Variants in ASRGL1 observed in about 807,000 individuals in gnomAD.
The protein encoded by ASRGL1 is asparaginase and isoaspartyl peptidase 1, also known as isoaspartyl peptidase/L-asparaginase.
Under a neutral mutation model 22.4 loss-of-function variants are expected in ASRGL1, and 16 were observed. The ratio of observed to expected loss-of-function variants is 0.71; its 90% CI spans 0.48 to 1.08. ASRGL1 has a LOEUF of 1.08. Ranked by LOEUF, ASRGL1 falls within the 50% of genes least tolerant of loss-of-function variation. The pLI, the probability that ASRGL1 is intolerant of heterozygous loss-of-function variation, is 0.00. For synonymous variants in ASRGL1, 165 were observed against 159.3 expected, an observed-to-expected ratio of 1.04 and a Z score of -0.27; for missense variants, 412 against 410.1, an observed-to-expected ratio of 1.00 and a Z score of -0.04.
intron 2 of ASRGL1, among the ~76,000 whole-genome samples, chr11:62,339,395 T>TC: frequency 6.6e-6 from 1 of 152,256 alleles, no homozygotes; most frequent in Admixed American, 6.5e-5. Context: ...ATGTCCTACC[T>TC]CCCCCGACAA....
At chr11:62,390,340 C>T (rs563159400) in intron 5 of ASRGL1, among the ~76,000 whole-genome samples, 2 of 152,228 alleles carry the variant, frequency 1.3e-5, no homozygotes, top group Non-Finnish European at 2.9e-5. Context: ...TGAGGAGCCT[C>T]CCCAAGGAGC....
intron 2 of ASRGL1, among the ~76,000 whole-genome samples, chr11:62,349,784 C>T (rs977507213): frequency 3.3e-5 from 5 of 152,148 alleles, no homozygotes; most frequent in South Asian, 4.1e-4. Flanking sequence ...AGAGCAGCCC[C>T]GAGGGCTACT....
At chr11:62,399,077 G>A in the ASRGL1 span, among the ~76,000 whole-genome samples, 1 of 152,116 alleles carries the variant, frequency 6.6e-6, no homozygotes, top group Non-Finnish European at 1.5e-5. Flanking sequence ...TTAACTGGGC[G>A]TGGTGGCACA....
chr11:62,376,975 GTGACATCCATT>G (rs1168374882), intron 4 of ASRGL1, among the ~76,000 whole-genome samples: 3 of 152,306 alleles, frequency 2.0e-5, no homozygotes, highest in African/African-American at 7.2e-5. Flanking sequence ...AGGTACATGC[GTGACATCCATT>G]TGCCATAACA....
chr11:62,371,245 C>A, intron 4 of ASRGL1: 1 of 1,290,326 alleles, frequency 7.7e-7, no homozygotes, highest in Non-Finnish European at 1.0e-6. Context: ...GAAGCGCGAG[C>A]CTCCCGAGCG....
At chr11:62,373,353 C>A (rs573200610) in intron 4 of ASRGL1, among the ~76,000 whole-genome samples, 1 of 152,212 alleles carries the variant, frequency 6.6e-6, no homozygotes, top group African/African-American at 2.4e-5. Flanking sequence ...ACCTTTTTTT[C>A]TGTTTGCTTT....
chr11:62,371,298 G>A, intron 4 of ASRGL1: 1 of 1,382,032 alleles, frequency 7.2e-7, no homozygotes, highest in Non-Finnish European at 9.5e-7. Context: ...GCGGCGACGA[G>A]GACGGCCTGG....
chr11:62,395,457 A>G (rs961277078), downstream of ASRGL1, among the ~76,000 whole-genome samples: 1 of 152,166 alleles, frequency 6.6e-6, no homozygotes, highest in South Asian at 2.1e-4. Context: ...TGGGCTGCAG[A>G]GAAGAGTCCT....
chr11:62,369,417 G>A (rs1463091507), intron 4 of ASRGL1, among the ~76,000 whole-genome samples: 2 of 152,024 alleles, frequency 1.3e-5, no homozygotes, highest in Non-Finnish European at 2.9e-5. Flanking sequence ...TTTCTACATA[G>A]ACACAGTAAC....
chr11:62,381,938 T>A lies in ASRGL1; in HGVS notation c.492-7195T>A, dbSNP rs1947078507. On this transcript the variant is annotated intron_variant, in intron 4 of 6. Coordinates refer to ENST00000415229, the MANE Select transcript of ASRGL1 (RefSeq NM_001083926.2). Reference sequence around the variant, plus strand: ...CCACGTTGGGCACCAGATGAAGGGGTGGCCAGCCCCTCTACACCTGTGGGC... The same window carrying A: ...CCACGTTGGGCACCAGATGAAGGGGAGGCCAGCCCCTCTACACCTGTGGGC... 2.0e-5 allele frequency: 3 copies of A among 152,452 alleles called. No homozygotes were observed. In the South Asian group the frequency reaches 5.7e-4, roughly 29 times the overall value. 9.4% of individuals were successfully genotyped at this position (152,452 alleles called of 1,614,324 possible).
At chr11:62,391,671 A>T (rs1193716632) in intron 6 of ASRGL1, 39 bp downstream of exon 6, 1 of 1,561,010 alleles carries the variant, frequency 6.4e-7, no homozygotes, top group African/African-American at 1.4e-5. Flanking sequence ...ATTTGTGAAG[A>T]TAAGTGCATA....
chr11:62,361,194 GT>G (rs1392815543), intron 4 of ASRGL1, among the ~76,000 whole-genome samples: 1 of 139,184 alleles, frequency 7.2e-6, no homozygotes, highest in Non-Finnish European at 1.5e-5. Flanking sequence ...GTGGGGTTTT[GT>G]TTTTTTGTTT....
the ASRGL1 span, among the ~76,000 whole-genome samples, chr11:62,400,534 G>C: frequency 1.3e-5 from 2 of 152,156 alleles, no homozygotes; most frequent in Non-Finnish European, 2.9e-5. Flanking sequence ...TCTGTGCAAG[G>C]CTTGGGCACT....
chr11:62,394,957 GA>G (rs1437250170), downstream of ASRGL1, among the ~76,000 whole-genome samples: 3 of 152,112 alleles, frequency 2.0e-5, no homozygotes, highest in African/African-American at 7.2e-5. Flanking sequence ...GACAGCATCT[GA>G]AAGGGGAAGA....
chr11:62,381,861 A>G (rs1186486449), intron 4 of ASRGL1: 1 of 152,874 alleles, frequency 6.5e-6, no homozygotes, highest in Non-Finnish European at 1.5e-5. Context: ...TCTCTCATCA[A>G]CTTGTTCTCA....
At chr11:62,380,445 AGCTCTAACTT>A (rs1267820113) in intron 4 of ASRGL1, among the ~76,000 whole-genome samples, 6 of 152,150 alleles carry the variant, frequency 3.9e-5, no homozygotes, top group African/African-American at 1.4e-4. Flanking sequence ...TAAGGCAGAT[AGCTCTAACTT>A]GCTCAATGGC....
At chr11:62,372,535 C>G (rs1039047412) in intron 4 of ASRGL1, 24 of 967,528 alleles carry the variant, frequency 2.5e-5, no homozygotes, top group Non-Finnish European at 4.1e-5. Flanking sequence ...CAAACTAGTT[C>G]CCCAGCGAGT....
chr11:62,365,135 G>A (rs540792992), intron 4 of ASRGL1, among the ~76,000 whole-genome samples: 1 of 152,246 alleles, frequency 6.6e-6, no homozygotes, highest in South Asian at 2.1e-4. Flanking sequence ...GTTACCAGGA[G>A]TGGGAGAAAT....
intron 2 of ASRGL1, among the ~76,000 whole-genome samples, chr11:62,344,187 C>T (rs929292118): frequency 8.6e-5 from 13 of 152,032 alleles, no homozygotes; most frequent in African/African-American, 3.1e-4. Flanking sequence ...TGAGCCACTG[C>T]GCTTGGCCTG....
Sources: gnomAD v4.1 joint callset for allele counts (sites outside exome capture counted in the v4.1 genomes callset) on GRCh38, gnomAD v4.1.1 for gene constraint, MANE v1.5 for transcripts, NCBI Gene and HGNC (gene_info 2026-07-23, HGNC 2026-07-21) for gene names.